RUNX1: variants seen among roughly 807,000 people sequenced by gnomAD.
The protein encoded by RUNX1 is RUNX family transcription factor 1.
Under a neutral mutation model 42.8 loss-of-function variants are expected in RUNX1, and 19 were observed. The observed-to-expected ratio is 0.44, with a 90% confidence interval of 0.31 to 0.65. The LOEUF (loss-of-function observed/expected upper bound fraction) is 0.65, where lower values mean the gene tolerates loss of function less well. Among genes scored for constraint, RUNX1 ranks in the 30% least tolerant of loss-of-function variants. RUNX1 has a pLI of 0.07. For synonymous variants in RUNX1, 271 were observed against 289.4 expected (o/e 0.94, Z 0.64); for missense variants, 528 against 672.0 (o/e 0.79, Z 2.37).
chr21:34,831,565 G>C (rs2057064740), intron 7 of RUNX1, among the ~76,000 whole-genome samples: 1 of 152,140 alleles, frequency 6.6e-6, no homozygotes, highest in African/African-American at 2.4e-5. Context: ...CAAACCCCCG[G>C]TTACTGACAT....
chr21:35,046,545 C>G (rs545999794), intron 2 of RUNX1, among the ~76,000 whole-genome samples: 31 of 152,290 alleles, frequency 2.0e-4, no homozygotes, highest in Non-Finnish European at 4.1e-4. Context: ...AGGCTGAGAA[C>G]TCTGGGGGAG....
intron 5 of RUNX1, among the ~76,000 whole-genome samples, chr21:34,866,995 CAT>C (rs747500314): frequency 1.2e-3 from 176 of 152,294 alleles, no homozygotes; most frequent in South Asian, 3.1e-3. Context: ...AAACCGAAGA[CAT>C]GCAAAGCATT....
At chr21:34,950,966 G>A (rs944941204) in intron 2 of RUNX1, among the ~76,000 whole-genome samples, 3 of 152,218 alleles carry the variant, frequency 2.0e-5, no homozygotes, top group African/African-American at 4.8e-5. Flanking sequence ...TTTAGTGAAC[G>A]ATTGCAGTGC....
At chr21:35,003,883 A>C (rs534084275) in intron 2 of RUNX1, among the ~76,000 whole-genome samples, 1 of 152,358 alleles carries the variant, frequency 6.6e-6, no homozygotes, top group African/African-American at 2.4e-5. Context: ...AAAATAAAAA[A>C]GAAAACCATA....
chr21:34,957,520 C>T (rs895692085), intron 2 of RUNX1, among the ~76,000 whole-genome samples: 4 of 152,110 alleles, frequency 2.6e-5, no homozygotes, highest in African/African-American at 7.2e-5. Context: ...TGTACCTCTC[C>T]AGTGCCACCT....
At chr21:34,888,758 C>G in intron 3 of RUNX1, 1 of 941,442 alleles carries the variant, frequency 1.1e-6, no homozygotes, top group Non-Finnish European at 1.3e-6. Context: ...ATTCCCTCAG[C>G]TCGTTTGCAT....
intron 2 of RUNX1, among the ~76,000 whole-genome samples, chr21:34,900,659 C>T (rs962929146): frequency 3.3e-5 from 5 of 152,222 alleles, no homozygotes; most frequent in African/African-American, 1.2e-4. Flanking sequence ...TAATCTCACA[C>T]ATTGTTCATT....
intron 2 of RUNX1, among the ~76,000 whole-genome samples, chr21:35,004,298 C>A (rs1423836601): frequency 6.6e-6 from 1 of 152,314 alleles, no homozygotes; most frequent in South Asian, 2.1e-4. Context: ...CCAGAACTTT[C>A]TTGTATCAAA....
At chr21:34,859,782 T>C (rs2057545717) in intron 5 of RUNX1, among the ~76,000 whole-genome samples, 1 of 152,240 alleles carries the variant, frequency 6.6e-6, no homozygotes, top group African/African-American at 2.4e-5. Context: ...CATAGTTATA[T>C]GGCTTTAATG....
chr21:34,949,709 C>CT (rs1569120209), intron 2 of RUNX1, among the ~76,000 whole-genome samples: 3 of 152,226 alleles, frequency 2.0e-5, no homozygotes, highest in African/African-American at 7.2e-5. Flanking sequence ...CTAAGATTGC[C>CT]GTCCTGTCAC....
intron 2 of RUNX1, among the ~76,000 whole-genome samples, chr21:35,013,052 T>G (rs1012839518): frequency 6.6e-6 from 1 of 152,214 alleles, no homozygotes; most frequent in African/African-American, 2.4e-5. Flanking sequence ...GAGCCCTGAT[T>G]TAAACACTAG....
At chr21:34,980,937 T>C (rs759059861) in intron 2 of RUNX1, among the ~76,000 whole-genome samples, 19 of 152,250 alleles carry the variant, frequency 1.2e-4, no homozygotes, top group Non-Finnish European at 2.6e-4. Context: ...TGAGTATTTC[T>C]ACTGGAAGCA....
Position 35,002,382 on chromosome 21 carries a change from TTTTATTTATTTATTTA to T in RUNX1, c.58+46444_58+46459del, listed in dbSNP as rs149613285. Among the ~76,000 whole-genome samples the T allele has an allele frequency of 9.5e-3, 1,335 of 141,042 alleles. 17 individuals carry two copies. Among genetic ancestry groups the T allele is most frequent in the African/African-American group, 0.03 (1,158 of 38,156 alleles). 92.5% of individuals were successfully genotyped at this position (141,042 alleles called of 152,430 possible). A position where few individuals can be genotyped will look rare whatever the true frequency, so the allele number is the denominator to read the frequency against. On this transcript the variant is annotated intron_variant, in intron 2 of 8. Transcript: ENST00000675419. Reference sequence around the variant, plus strand: ...TAGTATCATTTTCCCACACAGCACATTTTATTTATTTATTTATTTATTTATTTATTTATTTATTTAT... The same window carrying T: ...TAGTATCATTTTCCCACACAGCACATTTTATTTATTTATTTATTTATTTAT...
chr21:34,817,110 C>T (rs1324763930), intron 7 of RUNX1, among the ~76,000 whole-genome samples: 2 of 152,202 alleles, frequency 1.3e-5, no homozygotes, highest in Non-Finnish European at 2.9e-5. Flanking sequence ...TCCCTGGACT[C>T]TCTGAAGGCC....
chr21:34,902,712 G>A (rs1020079463), intron 2 of RUNX1, among the ~76,000 whole-genome samples: 1 of 152,148 alleles, frequency 6.6e-6, no homozygotes, highest in Non-Finnish European at 1.5e-5. Context: ...GAACCTGTAG[G>A]AAGTTTGTTA....
At chr21:34,825,329 C>A (rs2056971070) in intron 7 of RUNX1, among the ~76,000 whole-genome samples, 1 of 152,196 alleles carries the variant, frequency 6.6e-6, no homozygotes, top group African/African-American at 2.4e-5. Context: ...CCCCATCTGG[C>A]ACTGCTCCCG....
At chr21:35,047,574 C>CTCTCTCTCTCTG (rs2059409067) in intron 2 of RUNX1, among the ~76,000 whole-genome samples, 1 of 144,594 alleles carries the variant, frequency 6.9e-6, no homozygotes, top group Non-Finnish European at 1.5e-5. Flanking sequence ...CTCTCTCTCT[C>CTCTCTCTCTCTG]TCTCTCTCTC....
At chr21:35,028,077 G>A (rs1372148572) in intron 2 of RUNX1, among the ~76,000 whole-genome samples, 2 of 152,240 alleles carry the variant, frequency 1.3e-5, no homozygotes, top group East Asian at 3.8e-4. Context: ...GTTGTCAGCT[G>A]TAAAAATAGG....
chr21:34,919,865 C>A (rs1286713053), intron 2 of RUNX1, among the ~76,000 whole-genome samples: 4 of 152,164 alleles, frequency 2.6e-5, no homozygotes, highest in Non-Finnish European at 5.9e-5. Flanking sequence ...CAAGCACATC[C>A]TGAATTAGTG....
Sources: gnomAD v4.1 joint callset for allele counts (sites outside exome capture counted in the v4.1 genomes callset) on GRCh38, gnomAD v4.1.1 for gene constraint, MANE v1.5 for transcripts, NCBI Gene and HGNC (gene_info 2026-07-23, HGNC 2026-07-21) for gene names.